The following UBA7 variants were observed in gnomAD, a reference collection of about 807,000 sequenced individuals.
UBA7 encodes the protein ubiquitin-like modifier-activating enzyme 7.
A neutral mutation model predicts 113.0 loss-of-function variants in UBA7; 88 were observed. The observed-to-expected ratio is 0.78, with a 90% CI of 0.66 to 0.93. The LOEUF (loss-of-function observed/expected upper bound fraction) is 0.93. Among genes scored for constraint, UBA7 ranks in the 40% least tolerant of loss-of-function variants. UBA7 has a pLI of 0.00. For synonymous variants in UBA7, 459 were observed against 513.0 expected (o/e 0.89, Z 1.42); for missense variants, 1,092 against 1,266.4 (o/e 0.86, Z 2.09).
In UBA7 at chr3:49,809,740, G is replaced by A; in HGVS notation, c.1905-15C>T. The stretch of plus-strand genomic sequence containing the variant: ...AAGTGTGTGCCCTGCAGAGAGAGGA[G>A]GAAGTGTGAGACTGAGTCCTGCAGA... On this transcript the variant is annotated splice_polypyrimidine_tract_variant and intron_variant, in intron 15 of 23. Coordinates refer to ENST00000333486, the MANE Select transcript of UBA7 (RefSeq NM_003335.3). 6.2e-7 allele frequency: 1 copy of A among 1,614,132 alleles called. No homozygotes were observed. The highest frequency in any genetic ancestry group is 8.5e-7 in the Non-Finnish European group (1 of 1,180,022).
chr3:49,812,092 G>C lies in UBA7; in HGVS notation c.792+17C>G. ...AAGGCGACCAAGCTCCCCTACCTCA[G>C]ATGCACTTGCACTCACATGTCTCAC... On this transcript the variant is annotated intron_variant, in intron 7 of 23. Transcript: ENST00000333486. 1.2e-6 allele frequency: 2 copies of C among 1,614,218 alleles called. No individual in the cohort carries two copies. Among genetic ancestry groups the C allele is most frequent in the Non-Finnish European group, 1.7e-6 (2 of 1,180,036 alleles).
chr3:49,809,622 C>G lies in UBA7; in HGVS notation c.2008G>C (p.Val670Leu), dbSNP rs1318502944. Residue 670 changes from valine (V) to leucine (L), a missense_variant, in exon 16 of 24, where the codon GTG becomes CTG. By Grantham distance (32) the Val-to-Leu change is conservative. Around this residue, in one of 3 missense-constraint regions of UBA7, gnomAD observed 500 missense variants for 529.3 expected, o/e 0.94. Transcript: ENST00000333486. The stretch of plus-strand genomic sequence containing the variant: ...TTCCAGTGGCCAAGAGCCCACGCCA[C>G]ACAGTCTTGCCAGTTCTGTGGACGC... ...RVRPQNWQDC[V>L]AWALGHWKLC... 1.2e-6 allele frequency: 2 copies of G among 1,614,046 alleles called. No individual in the cohort carries two copies. The highest frequency in any genetic ancestry group is 1.3e-5 in the African/African-American group (1 of 74,932).
At chr3:49,806,272 G>C in intron 21 of UBA7, 107 bp from the exon 22 acceptor site, 12 of 819,974 alleles carry the variant, frequency 1.5e-5, no homozygotes, top group Admixed American at 2.4e-5. Context: ...CAGGAAACAG[G>C]AGCCAGGGGG....
chr3:49,809,346 G>A, intron 17 of UBA7, 44 bp downstream of exon 17: 1 of 1,603,972 alleles, frequency 6.2e-7, no homozygotes, highest in South Asian at 1.1e-5. Context: ...CTGCTCTGAG[G>A]GGCCACATCT....
intron 8 of UBA7, 150 bp from the exon 9 acceptor site, chr3:49,811,605 G>T: frequency 4.1e-6 from 5 of 1,226,128 alleles, no homozygotes; most frequent in Non-Finnish European, 5.6e-6. Context: ...AGCCTGCACA[G>T]CACCACCAGA....
intron 9 of UBA7, 86 bp from the exon 10 acceptor site, chr3:49,811,177 A>G: frequency 6.2e-7 from 1 of 1,602,548 alleles, no homozygotes. Flanking sequence ...AGGTTGGTGA[A>G]GGCTCCAGGG....
Position 49,805,988 on chromosome 3 carries a change from C to G in UBA7, c.2818G>C (p.Gly940Arg). ...SLLAHLQEQHGLRVRILLHGS... is the reference protein window; with the variant it reads ...SLLAHLQEQHRLRVRILLHGS... The stretch of plus-strand genomic sequence containing the variant: ...TGCAGCAGGATCCTCACCCTCAACC[C>G]GTGCTGCTCCTAGAGGAGAAAGGTC... Residue 940 changes from glycine (G) to arginine (R), a missense_variant, in exon 23 of 24, where the codon GGG (glycine) becomes CGG (arginine). This residue lies in a region of UBA7 where 500 missense variants were observed against 529.3 expected (regional missense o/e 0.94). Coordinates refer to ENST00000333486, the MANE Select transcript of UBA7 (RefSeq NM_003335.3). 4.5e-6 allele frequency: 7 copies of G among 1,566,306 alleles called. No individual in the cohort carries two copies. Among genetic ancestry groups the G allele is most frequent in the Admixed American group, 1.9e-5 (1 of 52,678 alleles).
chr3:49,807,981 C>T lies in UBA7; in HGVS notation c.2523+39G>A, dbSNP rs1333174405. 1.9e-6 allele frequency: 3 copies of T among 1,614,048 alleles called. No individual in the cohort carries two copies. The Admixed American group carries it at 5.0e-5, about 27-fold the overall frequency. ...CCCAAGGCGTAGGGCCAGGGTTTGC[C>T]CTCCACCTCCAGGCCCAAGCCTCAA... On this transcript the variant is annotated intron_variant, in intron 20 of 23. Transcript: ENST00000333486. The surrounding 1 kb of genome is among the most constrained non-coding windows in gnomAD (Gnocchi z 4.0).
chr3:49,808,211 G>T, intron 19 of UBA7, 99 bp from the exon 20 acceptor site: 3 of 1,545,426 alleles, frequency 1.9e-6, no homozygotes, highest in South Asian at 1.1e-5. Flanking sequence ...GTTCTGTCGG[G>T]GGGTTGCCCC....
Position 49,807,805 on chromosome 3 carries a change from G to C in UBA7, c.2646C>G (p.Arg882=). 1.2e-6 allele frequency: 2 copies of C among 1,614,108 alleles called. No homozygotes were observed. Among genetic ancestry groups the C allele is most frequent in the South Asian group, 2.2e-5 (2 of 91,072 alleles). ...VSGPRPRSAF[R]HSYLHLAENY... is the part of the protein sequence containing the mutation. ...TTTCAGCCAGATGTAGGTAGCTGTG[G>C]CGAAAGGCACTACGAGGCCGTGGCC... is the stretch of plus-strand genomic sequence containing the variant. The change falls in exon 21 of 24, where the codon CGC becomes CGG. Residue 882 remains arginine (R), a synonymous_variant. Transcript: ENST00000333486. This position sits in a 1 kb window ranked among gnomAD's most constrained non-coding sequence, Gnocchi z 4.0.
Position 49,811,998 on chromosome 3 carries a change from G to A in UBA7, c.811C>T (p.Leu271=). The A allele has an allele frequency of 3.1e-6, 5 of 1,614,204 alleles. No homozygotes were observed. Among genetic ancestry groups the A allele is most frequent in the Non-Finnish European group, 4.2e-6 (5 of 1,180,034 alleles). Residue 271 remains leucine (L), a synonymous_variant, in exon 8 of 24, where the codon CTG becomes TTG. Coordinates refer to ENST00000333486, the MANE Select transcript of UBA7 (RefSeq NM_003335.3). ...TVRHKSLDTA[L]LQPHVVAQSS... ...TGGGCCACCACATGGGGCTGGAGCAGGGCTGTGTCCAGGGACTTCTGCAAG... is the reference window on the plus strand; with the variant it reads ...TGGGCCACCACATGGGGCTGGAGCAAGGCTGTGTCCAGGGACTTCTGCAAG...
chr3:49,813,757 C>A lies in UBA7; in HGVS notation c.31G>T (p.Asp11Tyr). 1 of 1,614,226 alleles carries A rather than the reference C, an allele frequency of 6.2e-7. No homozygotes were observed. Among genetic ancestry groups the A allele is most frequent in the Non-Finnish European group, 8.5e-7 (1 of 1,180,032 alleles). The stretch of plus-strand genomic sequence containing the variant: ...AGCTGTCTTGAATACAGCTCCTCAT[C>A]CAGTAGCTTCGAAGCGTCCAGGGCA... MDALDASKLL[D>Y]EELYSRQLYV... The change falls in exon 1 of 24, where the codon GAT becomes TAT. Residue 11 changes from aspartate (D) to tyrosine (Y), a missense_variant. By Grantham distance (160) the Asp-to-Tyr change is radical (BLOSUM62 -3). Coordinates refer to ENST00000333486, the MANE Select transcript of UBA7 (RefSeq NM_003335.3).
chr3:49,812,164 C>A lies in UBA7; in HGVS notation c.737G>T (p.Arg246Leu), dbSNP rs754874665. 3 of 1,614,154 alleles carry A rather than the reference C, an allele frequency of 1.9e-6. No homozygotes were observed. Among genetic ancestry groups the A allele is most frequent in the Non-Finnish European group, 1.7e-6 (2 of 1,180,046 alleles). The part of the protein sequence containing the change: ...LEIGDTTTFS[R>L]YLRGGAITEV... ...AGTGATAGCCCCACCACGCAAGTAC[C>A]GAGAGAAAGTTGTTGTGTCTCCAAT... Residue 246 changes from arginine to leucine, a missense_variant, in exon 7 of 24, where the codon CGG becomes CTG. Arg to Leu is a moderately radical substitution (Grantham distance 102, BLOSUM62 -2). Around this residue, in one of 3 missense-constraint regions of UBA7, gnomAD observed 584 missense variants for 714.5 expected, o/e 0.82. Transcript: ENST00000333486.
chr3:49,811,087 A>G lies in UBA7; in HGVS notation c.1127T>C (p.Ile376Thr). ...AVAAQEVLKA[I>T]SRKFMPLDQW... ...GTCCAGAGGCATGAACTTCCTGGAG[A>G]TTGCCTAGGGGCAGCACTTCAGGCT... is the stretch of plus-strand genomic sequence containing the variant. Residue 376 changes from isoleucine (I) to threonine (T), a missense_variant, in exon 10 of 24, where the codon ATC becomes ACC. Transcript: ENST00000333486. The G allele has an allele frequency of 6.2e-7, 1 of 1,613,850 alleles. No individual in the cohort carries two copies. The highest frequency in any genetic ancestry group is 8.5e-7 in the Non-Finnish European group (1 of 1,179,936).
chr3:49,805,313 G>C lies in UBA7; in HGVS notation c.3034C>G (p.Leu1012Val). The change falls in exon 24 of 24, where the codon CTG becomes GTG. Residue 1012 changes from leucine (L) to valine (V), a missense_variant. By Grantham distance (32) the Leu-to-Val change is conservative. Around this residue, in one of 3 missense-constraint regions of UBA7, gnomAD observed 500 missense variants for 529.3 expected, o/e 0.94. Coordinates refer to ENST00000333486, the MANE Select transcript of UBA7 (RefSeq NM_003335.3). ...DTAFPPLHYEL is the reference protein window; with the variant it reads ...DTAFPPLHYEV ...GTGACAGGGTGGCTGCCTTGTCACA[G>C]CTCATAGTGCAGAGGTGGGAAGGCA... The C allele has an allele frequency of 6.2e-7, 1 of 1,613,804 alleles. No homozygotes were observed. The highest frequency in any genetic ancestry group is 8.5e-7 in the Non-Finnish European group (1 of 1,179,864).
In UBA7 at chr3:49,810,779, C is replaced by T; in HGVS notation, c.1284G>A (p.Glu428=). 6.2e-7 allele frequency: 1 copy of T among 1,614,150 alleles called. No individual in the cohort carries two copies. The change falls in exon 11 of 24, where the codon GAG becomes GAA. Residue 428 remains glutamate (E), a synonymous_variant. Transcript: ENST00000333486. The surrounding 1 kb of genome is among the most constrained non-coding windows in gnomAD (Gnocchi z 5.6). ...GGAGGTAGTGCTGGCGTCTCAGTTT[C>T]TCCTGAAAACCAGCCCCAAACACTG... is the stretch of plus-strand genomic sequence containing the variant. ...QIAVFGAGFQ[E]KLRRQHYLLV... is the part of the protein sequence containing the mutation.
rs1301253548 is a variant in UBA7, at chr3:49,809,930, G to T, written c.1839+48C>A. On this transcript the variant is annotated intron_variant, in intron 14 of 23. Transcript: ENST00000333486. ...GTATCAGGTGGAGAACAGGTCTGCA[G>T]CTGAGGGCTGAGCTGGGTGGGGTGG... 7 of 1,614,144 alleles carry T rather than the reference G, an allele frequency of 4.3e-6. No individual in the cohort carries two copies. In the East Asian group the frequency reaches 1.6e-4, roughly 36 times the overall value.
At position 49,805,942 on chromosome 3, in the gene UBA7, G is replaced by T. The variant is rs149590583; in HGVS notation, c.2864C>A (p.Ala955Glu). ...CTGCTTTTCAGGTGACCATCCGGCC[G>T]CATAGAGCAGGGCTGAGCCGTGCAG... The part of the protein sequence containing the change: ...ILLHGSALLY[A>E]AGWSPEKQAQ... The change falls in exon 23 of 24, where the codon GCG (alanine) becomes GAG (glutamate). Residue 955 changes from alanine to glutamate, a missense_variant. Coordinates refer to ENST00000333486, the MANE Select transcript of UBA7 (RefSeq NM_003335.3). The T allele has an allele frequency of 5.1e-6, 8 of 1,563,054 alleles. No individual in the cohort carries two copies. The Admixed American group carries it at 7.6e-5, about 15-fold the overall frequency.
In UBA7 at chr3:49,809,820, G is replaced by T; in HGVS notation, c.1899C>A (p.His633Gln). Residue 633 changes from histidine (H) to glutamine (Q), a missense_variant, in exon 15 of 24, where the codon CAC (histidine) becomes CAA (glutamine). Transcript: ENST00000333486. Reference protein sequence around the residue: ...FRLSAETINHHQQAHTSLADM... With the variant: ...FRLSAETINHQQQAHTSLADM... Reference sequence around the variant, plus strand: ...GCCTCTGTTGGTGGCCTTACTGTTGGTGGTGGTTGATGGTCTCTGCAGACA... The same window carrying T: ...GCCTCTGTTGGTGGCCTTACTGTTGTTGGTGGTTGATGGTCTCTGCAGACA... 6.2e-7 allele frequency: 1 copy of T among 1,614,172 alleles called. No homozygotes were observed. Among genetic ancestry groups the T allele is most frequent in the Non-Finnish European group, 8.5e-7 (1 of 1,180,030 alleles).
Sources: gnomAD v4.1 joint callset for allele counts on GRCh38, gnomAD v4.1.1 for gene constraint, gnomAD v4.1.1 regional missense constraint, Gnocchi (gnomAD v3.1) non-coding constraint, MANE v1.5 for transcripts, NCBI Gene and HGNC (gene_info 2026-07-23, HGNC 2026-07-21) for gene names.